Variants in CSMD1 observed in about 807,000 individuals in gnomAD.
The protein encoded by CSMD1 is CUB and Sushi multiple domains 1, also known as CUB and sushi domain-containing protein 1.
In CSMD1, 213 loss-of-function variants were observed where a neutral mutation model predicts 417.5. The ratio of observed to expected loss-of-function variants is 0.51; its 90% CI spans 0.46 to 0.57. The LOEUF (loss-of-function observed/expected upper bound fraction) is 0.57. Ranked by LOEUF, CSMD1 falls within the 20% of genes least tolerant of loss-of-function variation. The pLI is 0.00. For missense variants in CSMD1, 6,923 were observed against 4,529.7 expected, an observed-to-expected ratio of 1.53 and a Z score of -15.17; for synonymous variants, 2,862 against 1,736.8, an observed-to-expected ratio of 1.65 and a Z score of -16.11.
chr8:4,403,580 T>C (rs575393608), intron 3 of CSMD1, among the ~76,000 whole-genome samples: 3 of 152,274 alleles, frequency 2.0e-5, no homozygotes, highest in African/African-American at 7.2e-5. Flanking sequence ...TGAGTTGACT[T>C]CTAGGACAGT....
chr8:4,244,979 G>C (rs1485962578), intron 3 of CSMD1, among the ~76,000 whole-genome samples: 1 of 152,146 alleles, frequency 6.6e-6, no homozygotes, highest in Non-Finnish European at 1.5e-5. Flanking sequence ...AAAGCCTGGA[G>C]TGGAAGTAAA....
chr8:3,632,775 G>A (rs1285852470), intron 7 of CSMD1, among the ~76,000 whole-genome samples: 1 of 152,088 alleles, frequency 6.6e-6, no homozygotes, highest in Non-Finnish European at 1.5e-5. Flanking sequence ...TTTGTTTTTG[G>A]CAGTCTCCAT....
intron 3 of CSMD1, among the ~76,000 whole-genome samples, chr8:4,128,501 A>C (rs1490810529): frequency 6.6e-6 from 1 of 152,168 alleles, no homozygotes; most frequent in Non-Finnish European, 1.5e-5. Context: ...CAACCAAACA[A>C]ACAAACACAT....
rs780321836 is a variant in CSMD1 at position 2,955,716 on chromosome 8, G to C, written c.9867C>G (p.Ile3289Met). The change falls in exon 64 of 70, where the codon ATC (isoleucine) becomes ATG (methionine). Residue 3289 changes from isoleucine to methionine, a missense_variant. Transcript: ENST00000635120. Reference protein sequence around the residue: ...ETPAHADVRAIDLPTFGYTLV... With the variant: ...ETPAHADVRAMDLPTFGYTLV... The stretch of plus-strand genomic sequence containing the variant: ...AGGTGTAGCCGAAAGTAGGAAGATC[G>C]ATGGCTCTCACATCCGCGTGTGCCG... 2 of 1,613,866 alleles carry C rather than the reference G, an allele frequency of 1.2e-6. No individual in the cohort carries two copies. The highest frequency in any genetic ancestry group is 1.1e-5 in the South Asian group (1 of 91,066).
chr8:4,419,685 A>G (rs1365382433), intron 3 of CSMD1, among the ~76,000 whole-genome samples: 1 of 152,310 alleles, frequency 6.6e-6, no homozygotes, highest in African/African-American at 2.4e-5. Context: ...CAAATTTCTC[A>G]AAACTTATTC....
At chr8:4,536,822 A>T (rs923388562) in intron 2 of CSMD1, among the ~76,000 whole-genome samples, 1 of 152,188 alleles carries the variant, frequency 6.6e-6, no homozygotes, top group Non-Finnish European at 1.5e-5. Flanking sequence ...ATGCGGCCAA[A>T]TTTCCTTTCA....
rs529860553 is a variant in CSMD1, at chr8:3,524,500, C to T, written c.1345-30774G>A. ...AGACATGTGCACACACAAGTACACACATGCACAGATGCACACATGCAAAGA... is the reference window on the plus strand; with the variant it reads ...AGACATGTGCACACACAAGTACACATATGCACAGATGCACACATGCAAAGA... On this transcript the variant is annotated intron_variant, in intron 10 of 69. Coordinates refer to ENST00000635120, the MANE Select transcript of CSMD1 (RefSeq NM_033225.6). Among the ~76,000 whole-genome samples the T allele has an allele frequency of 2.6e-3, 377 of 143,924 alleles. 4 individuals carry two copies. The highest frequency in any genetic ancestry group is 2.0e-3 in the Non-Finnish European group (136 of 67,408). The allele number at this position is 143,924 out of a possible 152,430, so 94.4% of individuals were successfully genotyped here.
chr8:4,050,069 T>C (rs1798344516), intron 3 of CSMD1, among the ~76,000 whole-genome samples: 3 of 152,176 alleles, frequency 2.0e-5, no homozygotes, highest in Non-Finnish European at 2.9e-5. Flanking sequence ...GGAACTTGTC[T>C]GGTGTTTTCT....
chr8:4,551,216 C>G (rs933846974), intron 2 of CSMD1, among the ~76,000 whole-genome samples: 3 of 152,090 alleles, frequency 2.0e-5, no homozygotes, highest in African/African-American at 7.2e-5. Context: ...ACCAACCCTC[C>G]TGTAATACTG....
At chr8:4,366,834 G>T (rs935062076) in intron 3 of CSMD1, among the ~76,000 whole-genome samples, 5 of 152,140 alleles carry the variant, frequency 3.3e-5, no homozygotes, top group South Asian at 2.1e-4. Context: ...TTTGCTGGCT[G>T]CTTGTTTATC....
At chr8:3,969,002 G>C (rs931175302) in intron 5 of CSMD1, among the ~76,000 whole-genome samples, 7 of 152,136 alleles carry the variant, frequency 4.6e-5, no homozygotes, top group Non-Finnish European at 1.0e-4. Context: ...TGTACTATCA[G>C]CACTTTGGAA....
At chr8:4,093,413 G>A (rs1014889702) in intron 3 of CSMD1, among the ~76,000 whole-genome samples, 1 of 152,158 alleles carries the variant, frequency 6.6e-6, no homozygotes, top group Non-Finnish European at 1.5e-5. Context: ...AAAGCCAACA[G>A]AGGTGTACAA....
intron 6 of CSMD1, among the ~76,000 whole-genome samples, chr8:3,715,405 C>T (rs1046447631): frequency 3.3e-5 from 5 of 152,144 alleles, no homozygotes; most frequent in African/African-American, 9.7e-5. Flanking sequence ...AAGCTCATCA[C>T]CTTGAAAATG....
At chr8:4,443,619 A>G (rs1174075818) in intron 2 of CSMD1, among the ~76,000 whole-genome samples, 2 of 152,236 alleles carry the variant, frequency 1.3e-5, no homozygotes, top group African/African-American at 4.8e-5. Flanking sequence ...TCGCATTCAA[A>G]GAATGTACTG....
chr8:4,295,463 T>A (rs1319356399), intron 3 of CSMD1, among the ~76,000 whole-genome samples: 1 of 144,188 alleles, frequency 6.9e-6, no homozygotes, highest in East Asian at 2.1e-4. Flanking sequence ...ACACATATAA[T>A]CTTATTATAC....
intron 37 of CSMD1, among the ~76,000 whole-genome samples, chr8:3,174,178 A>T (rs1820761746): frequency 6.6e-6 from 1 of 152,196 alleles, no homozygotes; most frequent in Non-Finnish European, 1.5e-5. Flanking sequence ...TAGTTATATT[A>T]TGTTCCCAAA....
chr8:4,414,933 C>G (rs900867735), intron 3 of CSMD1, among the ~76,000 whole-genome samples: 1 of 152,118 alleles, frequency 6.6e-6, no homozygotes, highest in African/African-American at 2.4e-5. Context: ...AATCCATGTT[C>G]TGTCTTCTCC....
intron 2 of CSMD1, among the ~76,000 whole-genome samples, chr8:4,570,313 G>A (rs960766391): frequency 6.6e-6 from 1 of 152,028 alleles, no homozygotes; most frequent in African/African-American, 2.4e-5. Context: ...CATATGTTCC[G>A]TCAATACCTA....
chr8:3,529,929 A>C (rs1797908627), intron 10 of CSMD1, among the ~76,000 whole-genome samples: 1 of 152,188 alleles, frequency 6.6e-6, no homozygotes, highest in East Asian at 1.9e-4. Context: ...TAGAATCAAC[A>C]TTTGTAAATA....
Sources: gnomAD v4.1 joint callset for allele counts (sites outside exome capture counted in the v4.1 genomes callset) on GRCh38, gnomAD v4.1.1 for gene constraint, MANE v1.5 for transcripts, NCBI Gene and HGNC (gene_info 2026-07-23, HGNC 2026-07-21) for gene names.